STAT5A: variants seen among roughly 807,000 people sequenced by gnomAD.
STAT5A encodes the protein epididymis secretory sperm binding protein.
In STAT5A, 26 loss-of-function variants were observed where a neutral mutation model predicts 100.2. The ratio of observed to expected loss-of-function variants is 0.26; its 90% CI spans 0.19 to 0.36. The LOEUF (loss-of-function observed/expected upper bound fraction) is 0.36. Among genes scored for constraint, STAT5A ranks in the 10% least tolerant of loss-of-function variants. The pLI is 1.00. For synonymous variants in STAT5A, 330 were observed against 424.3 expected, an observed-to-expected ratio of 0.78 and a Z score of 2.73; for missense variants, 634 against 1,027.5, an observed-to-expected ratio of 0.62 and a Z score of 5.24.
chr17:42,301,240 C>T (rs2080975374), intron 8 of STAT5A, 35 bp from the exon 9 acceptor site: 1 of 1,603,200 alleles, frequency 6.2e-7, no homozygotes, highest in Non-Finnish European at 8.5e-7. Flanking sequence ...CTGCGCCAAC[C>T]CCTCATCGTG....
At position 42,290,890 on chromosome 17, in the gene STAT5A, C is replaced by G. The variant is rs569005777; in HGVS notation, c.285+868C>G. 3.9e-5 allele frequency among the ~76,000 whole-genome samples: 6 copies of G among 152,270 alleles called. No individual in the cohort carries two copies. In the East Asian group the frequency reaches 1.2e-3, roughly 29 times the overall value. ...CCCACCACTTTTTGGCACCAGGGACCGGTTTCATGGAAGACAATTTTTCCA... is the reference window on the plus strand; with the variant it reads ...CCCACCACTTTTTGGCACCAGGGACGGGTTTCATGGAAGACAATTTTTCCA... On this transcript the variant is annotated intron_variant, in intron 3 of 18. Coordinates refer to ENST00000590949, the MANE Select transcript of STAT5A (RefSeq NM_001288718.2).
intron 5 of STAT5A, among the ~76,000 whole-genome samples, chr17:42,296,899 AT>A (rs1396189740): frequency 6.6e-6 from 1 of 151,990 alleles, no homozygotes; most frequent in Non-Finnish European, 1.5e-5. Context: ...ATGCCTGAAT[AT>A]TGCAGCTATT....
At chr17:42,309,236 C>T in intron 17 of STAT5A, 138 bp downstream of exon 17, 1 of 1,557,074 alleles carries the variant, frequency 6.4e-7, no homozygotes, top group Non-Finnish European at 8.8e-7. Flanking sequence ...GTCCCCTCTC[C>T]TGTAGCTGGA....
chr17:42,307,796 T>G, intron 15 of STAT5A, 73 bp downstream of exon 15: 1 of 1,575,708 alleles, frequency 6.3e-7, no homozygotes, highest in Non-Finnish European at 8.6e-7. Context: ...CACCCCACCC[T>G]CCATCGGGCC....
At position 42,304,836 on chromosome 17, in the gene STAT5A, T is replaced by C. The variant is rs2081013244; in HGVS notation, c.1380+184T>C. On this transcript the variant is annotated intron_variant, in intron 11 of 18. Coordinates refer to ENST00000590949, the MANE Select transcript of STAT5A (RefSeq NM_001288718.2). The surrounding 1 kb of genome is among the most constrained non-coding windows in gnomAD (Gnocchi z 4.8). ...AGGCAATGGGCTAAGAAGAAGTCGG[T>C]TGTAGTTTTTGTTTGTTTGCTTGTG... Among the ~76,000 whole-genome samples the C allele has an allele frequency of 6.6e-6, 1 of 152,128 alleles. No individual in the cohort carries two copies.
intron 6 of STAT5A, 37 bp downstream of exon 6, chr17:42,299,918 C>T (rs748498942): frequency 3.8e-6 from 6 of 1,585,282 alleles, no homozygotes; most frequent in Non-Finnish European, 1.7e-6. Flanking sequence ...GGCGTGGGTG[C>T]CATGAAGTCA....
In STAT5A at chr17:42,311,042, T is replaced by C. The variant is rs115942147; in HGVS notation, c.*373T>C. 440 of 255,516 alleles carry C rather than the reference T, an allele frequency of 1.7e-3. No individual in the cohort carries two copies. The highest frequency in any genetic ancestry group is 8.7e-3 in the African/African-American group (403 of 46,464). The allele number at this position is 255,516 out of a possible 1,614,324, so 15.8% of individuals were successfully genotyped here. ...AGAAGGGGAGGGGAGACAGGTAACG[T>C]CTGTAAGCTGAAGTTTCACTCCGGA... On this transcript the variant is annotated 3_prime_UTR_variant, in exon 19 of 19. Transcript: ENST00000590949.
At chr17:42,295,531 T>C in intron 4 of STAT5A, 88 bp from the exon 5 acceptor site, 1 of 1,429,898 alleles carries the variant, frequency 7.0e-7, no homozygotes, top group South Asian at 1.3e-5. Context: ...GTTTGGGGTT[T>C]GGGGTCTGTA....
Position 42,308,669 on chromosome 17 carries a change from C to G in STAT5A, c.2062+336C>G, listed in dbSNP as rs2144561847. The G allele has an allele frequency of 4.1e-6, 2 of 489,148 alleles. No individual in the cohort carries two copies. The highest frequency in any genetic ancestry group is 6.9e-5 in the Admixed American group (2 of 29,182). 30.3% of individuals were successfully genotyped at this position (489,148 alleles called of 1,614,324 possible). On this transcript the variant is annotated intron_variant, in intron 16 of 18. Coordinates refer to ENST00000590949, the MANE Select transcript of STAT5A (RefSeq NM_001288718.2). This position sits in a 1 kb window ranked among gnomAD's most constrained non-coding sequence, Gnocchi z 4.6. Reference sequence around the variant, plus strand: ...TCCGCTCCCCACCTCACCAGCTGCTCTCCACACCCTGCTCACAAACCTTCC... The same window carrying G: ...TCCGCTCCCCACCTCACCAGCTGCTGTCCACACCCTGCTCACAAACCTTCC...
rs2081044347 is a variant in STAT5A at position 42,307,808 on chromosome 17, G to A, written c.1906+85G>A. 4 of 1,563,314 alleles carry A rather than the reference G, an allele frequency of 2.6e-6. 1 individual carries two copies. The highest frequency in any genetic ancestry group is 8.7e-7 in the Non-Finnish European group (1 of 1,149,992). On this transcript the variant is annotated intron_variant, in intron 15 of 18. Coordinates refer to ENST00000590949, the MANE Select transcript of STAT5A (RefSeq NM_001288718.2). ...CGCCACCCCACCCTCCATCGGGCCT[G>A]TGTCCTTAGAAGGTACCCAGCGGGA... is the stretch of plus-strand genomic sequence containing the variant.
chr17:42,305,855 G>C (rs567057830), intron 12 of STAT5A, among the ~76,000 whole-genome samples, 153 bp downstream of exon 12: 10 of 152,178 alleles, frequency 6.6e-5, no homozygotes, highest in Non-Finnish European at 1.0e-4. Flanking sequence ...GGTGCTGGGC[G>C]CCTGCCTTCC....
intron 1 of STAT5A, chr17:42,289,193 C>T: frequency 2.0e-6 from 1 of 495,212 alleles, no homozygotes; most frequent in Non-Finnish European, 3.5e-6. Flanking sequence ...AGAGCACCTT[C>T]CCCTCCCCTT....
Position 42,292,160 on chromosome 17 carries a change from A to G in STAT5A, c.375+99A>G, listed in dbSNP as rs2144500174. 4 of 1,415,964 alleles carry G rather than the reference A, an allele frequency of 2.8e-6. No individual in the cohort carries two copies. In the East Asian group the frequency reaches 9.7e-5, roughly 34 times the overall value. 87.7% of individuals were successfully genotyped at this position (1,415,964 alleles called of 1,614,324 possible). A position where few individuals can be genotyped will look rare whatever the true frequency, so the allele number is the denominator to read the frequency against. On this transcript the variant is annotated intron_variant, in intron 4 of 18. Coordinates refer to ENST00000590949, the MANE Select transcript of STAT5A (RefSeq NM_001288718.2). ...GTTTATATAAAACAGCAGCACGAGG[A>G]GAGCACCAAGAAGATGAGGGACGTG... is the stretch of plus-strand genomic sequence containing the variant.
At chr17:42,291,326 G>A (rs1476707416) in intron 3 of STAT5A, among the ~76,000 whole-genome samples, 1 of 152,172 alleles carries the variant, frequency 6.6e-6, no homozygotes, top group Admixed American at 6.5e-5. Flanking sequence ...ACCTCCTGCT[G>A]TGTGGTCCAG....
chr17:42,303,122 T>A (rs778695688), intron 9 of STAT5A, among the ~76,000 whole-genome samples: 1 of 152,124 alleles, frequency 6.6e-6, no homozygotes, highest in Non-Finnish European at 1.5e-5. Context: ...GGTGGAAGCC[T>A]GTAATCCCAG....
chr17:42,307,868 A>G, intron 15 of STAT5A, 145 bp downstream of exon 15: 1 of 1,261,588 alleles, frequency 7.9e-7, no homozygotes, highest in Non-Finnish European at 1.1e-6. Flanking sequence ...TTGGAAATGT[A>G]TTCTCTTTCT....
At position 42,304,350 on chromosome 17, in the gene STAT5A, G is replaced by A; in HGVS notation, c.1178G>A (p.Ser393Asn). Residue 393 changes from serine to asparagine, a missense_variant, in exon 10 of 19, where the codon AGT becomes AAT. This residue lies in a region of STAT5A where 98 missense variants were observed against 149.7 expected (regional missense o/e 0.65). Coordinates refer to ENST00000590949, the MANE Select transcript of STAT5A (RefSeq NM_001288718.2). This position sits in a 1 kb window ranked among gnomAD's most constrained non-coding sequence, Gnocchi z 4.8. The part of the protein sequence containing the change: ...LKNENTRNEC[S>N]GEILNNCCVM... ...CCCCCTCTCCTTTGCAGCGAGTGCA[G>A]TGGTGAGATCCTGAACAACTGCTGC... The A allele has an allele frequency of 6.2e-7, 1 of 1,614,220 alleles. No individual in the cohort carries two copies. The highest frequency in any genetic ancestry group is 8.5e-7 in the Non-Finnish European group (1 of 1,180,032).
chr17:42,289,612 A>G, intron 2 of STAT5A, 73 bp downstream of exon 2: 1 of 1,558,208 alleles, frequency 6.4e-7, no homozygotes, highest in South Asian at 1.2e-5. Flanking sequence ...AGTTTTACTC[A>G]TGGTGGTTTG....
At chr17:42,309,568 G>T in intron 18 of STAT5A, 84 bp downstream of exon 18, 1 of 1,429,188 alleles carries the variant, frequency 7.0e-7, no homozygotes, top group Non-Finnish European at 9.6e-7. Context: ...GGCGGGCAAA[G>T]GATCCAGAGC....
Sources: allele counts gnomAD v4.1 joint callset (sites outside exome capture counted in the v4.1 genomes callset), GRCh38; gene constraint gnomAD v4.1.1; regional missense constraint gnomAD v4.1.1; non-coding constraint Gnocchi (gnomAD v3.1); transcripts MANE v1.5; gene names NCBI Gene and HGNC (gene_info 2026-07-23, HGNC 2026-07-21).